The following SYNE2 variants were observed in gnomAD, a reference collection of about 807,000 sequenced individuals.
SYNE2 encodes spectrin repeat containing nuclear envelope protein 2.
In SYNE2, 431 loss-of-function variants were observed where a neutral mutation model predicts 856.3. The observed-to-expected ratio is 0.50, with a 90% CI of 0.47 to 0.55. The LOEUF (loss-of-function observed/expected upper bound fraction) is 0.55, where lower values mean the gene tolerates loss of function less well. SYNE2 is among the 20% of genes least tolerant of loss of function. The pLI is 0.00. For synonymous variants in SYNE2, 2,923 were observed against 2,872.3 expected, an observed-to-expected ratio of 1.02 and a Z score of -0.56; for missense variants, 8,129 against 8,023.2, an observed-to-expected ratio of 1.01 and a Z score of -0.50.
intron 1 of SYNE2, among the ~76,000 whole-genome samples, chr14:63,771,359 C>G (rs935837568): frequency 2.6e-5 from 4 of 151,924 alleles, no homozygotes; most frequent in African/African-American, 9.7e-5. Flanking sequence ...CGTGAGCCAC[C>G]GCGCCCGGCC....
intron 1 of SYNE2, among the ~76,000 whole-genome samples, chr14:63,867,180 A>AAACAG (rs1895582829): frequency 6.6e-6 from 1 of 152,300 alleles, no homozygotes; most frequent in Middle Eastern, 3.4e-3. Flanking sequence ...CCATGTCCTT[A>AAACAG]AACAGTACCA....
chr14:64,132,557 C>A, intron 77 of SYNE2, 119 bp downstream of exon 77: 2 of 1,350,426 alleles, frequency 1.5e-6, no homozygotes, highest in South Asian at 1.2e-5. Context: ...GGAAGCCTGA[C>A]AGTGAGGAAT....
chr14:63,779,607 C>T (rs1454054077), intron 1 of SYNE2, among the ~76,000 whole-genome samples: 1 of 151,852 alleles, frequency 6.6e-6, no homozygotes, highest in Non-Finnish European at 1.5e-5. Flanking sequence ...TTAGCGAATG[C>T]AAATAAATAA....
intron 64 of SYNE2, among the ~76,000 whole-genome samples, chr14:64,102,959 A>G (rs1486923525): frequency 6.6e-6 from 1 of 152,168 alleles, no homozygotes; most frequent in African/African-American, 2.4e-5. Flanking sequence ...CGGTTCATCC[A>G]TATTGTCACA....
Position 64,209,952 on chromosome 14 carries a change from G to A in SYNE2, c.18551G>A (p.Arg6184Gln), listed in dbSNP as rs1420876581. ...TCCCATGTGATGCAGGCCTTTCAGCGGCAGATTCATGAGCGGCTCACTCAG... is the reference window on the plus strand; with the variant it reads ...TCCCATGTGATGCAGGCCTTTCAGCAGCAGATTCATGAGCGGCTCACTCAG... ...EELKRFEAFQ[R>Q]QIHERLTQLE... Residue 6184 changes from arginine to glutamine, a missense_variant, in exon 103 of 116, where the codon CGG becomes CAG. Arg to Gln is a conservative substitution (Grantham distance 43). This residue lies in a region of SYNE2 where 5,410 missense variants were observed against 5,284.8 expected (regional missense o/e 1.02). Coordinates refer to ENST00000555002, the MANE Select transcript of SYNE2 (RefSeq NM_182914.3). 8.7e-6 allele frequency: 14 copies of A among 1,614,122 alleles called. No individual in the cohort carries two copies. Among genetic ancestry groups the A allele is most frequent in the Admixed American group, 3.3e-5 (2 of 60,022 alleles).
intron 49 of SYNE2, among the ~76,000 whole-genome samples, chr14:64,057,785 A>ATTGCCTGTCTTTTGGCTAAAAGCCAT (rs1289997850): frequency 2.0e-5 from 3 of 152,170 alleles, no homozygotes; most frequent in African/African-American, 7.2e-5. Context: ...AGCATTTATT[A>ATTGCCTGTCTTTTGGCTAAAAGCCAT]TTGCCTGTCT....
chr14:64,146,655 A>G (rs1005311603), intron 84 of SYNE2, among the ~76,000 whole-genome samples: 2 of 152,244 alleles, frequency 1.3e-5, no homozygotes, highest in African/African-American at 2.4e-5. Context: ...TGCTTTAAAA[A>G]GTTCACTTGT....
At chr14:64,217,272 A>C (rs977061475) in intron 108 of SYNE2, among the ~76,000 whole-genome samples, 5 of 147,622 alleles carry the variant, frequency 3.4e-5, no homozygotes, top group African/African-American at 1.3e-4. Flanking sequence ...CGTGATTATT[A>C]TTCCTGTATT....
At chr14:63,837,918 CAAA>C (rs34952817) in intron 1 of SYNE2, among the ~76,000 whole-genome samples, 2 of 62,194 alleles carry the variant, frequency 3.2e-5, no homozygotes, top group Admixed American at 2.4e-4. Context: ...GACTCTGTTT[CAAA>C]AAAAAAAAAA....
intron 84 of SYNE2, among the ~76,000 whole-genome samples, chr14:64,147,719 A>G (rs1322508771): frequency 6.6e-6 from 1 of 152,208 alleles, no homozygotes; most frequent in African/African-American, 2.4e-5. Context: ...TCTTTAGCAC[A>G]CCAACCACCG....
In SYNE2 at chr14:64,126,310, T is replaced by C; in HGVS notation, c.13555-17T>C. ...AAGGTATCTTAATTTTCTTTTTCTTTTTTCCTCTTGATTCAGGAAAATATG... is the reference window on the plus strand; with the variant it reads ...AAGGTATCTTAATTTTCTTTTTCTTCTTTCCTCTTGATTCAGGAAAATATG... On this transcript the variant is annotated splice_polypyrimidine_tract_variant and intron_variant, in intron 71 of 115. Coordinates refer to ENST00000555002, the MANE Select transcript of SYNE2 (RefSeq NM_182914.3). 6.2e-7 allele frequency: 1 copy of C among 1,611,560 alleles called. No homozygotes were observed. Among genetic ancestry groups the C allele is most frequent in the Non-Finnish European group, 8.5e-7 (1 of 1,177,780 alleles).
chr14:64,211,852 C>A (rs2098642991), intron 103 of SYNE2, 109 bp from the exon 104 acceptor site: 3 of 1,519,280 alleles, frequency 2.0e-6, no homozygotes, highest in Middle Eastern at 1.8e-4. Flanking sequence ...GCAGATTTCT[C>A]CCTGAGTATT....
At chr14:64,024,739 C>T (rs74056279) in intron 39 of SYNE2, among the ~76,000 whole-genome samples, 173 bp from the exon 40 acceptor site, 1 of 152,082 alleles carries the variant, frequency 6.6e-6, no homozygotes, top group African/African-American at 2.4e-5. Flanking sequence ...TATAGAACCC[C>T]GCTATCATAC....
Position 64,158,650 on chromosome 14 carries a change from A to G in SYNE2, c.15818A>G (p.Gln5273Arg), listed in dbSNP as rs757485374. ...TQVNQLKTSM[Q>R]SVLQEWKIYD... ...GTCAATCAGCTCAAAACCTCCATGC[A>G]GTCAGTTTTACAGGAGTGGAAGATT... Residue 5273 changes from glutamine (Q) to arginine (R), a missense_variant, in exon 86 of 116, where the codon CAG becomes CGG. Coordinates refer to ENST00000555002, the MANE Select transcript of SYNE2 (RefSeq NM_182914.3). 6.2e-6 allele frequency: 10 copies of G among 1,613,874 alleles called. No individual in the cohort carries two copies. The highest frequency in any genetic ancestry group is 6.8e-6 in the Non-Finnish European group (8 of 1,179,908).
At position 64,056,089 on chromosome 14, in the gene SYNE2, T is replaced by G; in HGVS notation, c.9890T>G (p.Leu3297Arg). The G allele has an allele frequency of 6.2e-7, 1 of 1,614,152 alleles. No homozygotes were observed. The highest frequency in any genetic ancestry group is 8.5e-7 in the Non-Finnish European group (1 of 1,180,012). ...CCAGAAGAATCTTTAGAGATGCCTCTTCGAAAACAAGAGGAATTGGAATCC... is the reference window on the plus strand; with the variant it reads ...CCAGAAGAATCTTTAGAGATGCCTCGTCGAAAACAAGAGGAATTGGAATCC... Reference protein sequence around the residue: ...GNPEESLEMPLRKQEELESTV... With the variant: ...GNPEESLEMPRRKQEELESTV... The change falls in exon 49 of 116, where the codon CTT (leucine) becomes CGT (arginine). Residue 3297 changes from leucine (L) to arginine (R), a missense_variant. Leu to Arg is a moderately radical substitution (Grantham distance 102). Coordinates refer to ENST00000555002, the MANE Select transcript of SYNE2 (RefSeq NM_182914.3).
At chr14:64,097,852 G>T in intron 61 of SYNE2, 97 bp from the exon 62 acceptor site, 1 of 1,257,512 alleles carries the variant, frequency 8.0e-7, no homozygotes, top group South Asian at 1.2e-5. Context: ...AAATAGCAAA[G>T]AAAAATCTTC....
At chr14:64,186,665 T>A in intron 97 of SYNE2, 86 bp downstream of exon 97, 3 of 1,585,356 alleles carry the variant, frequency 1.9e-6, no homozygotes, top group Non-Finnish European at 2.6e-6. Flanking sequence ...GGAGCTTAAT[T>A]TCATTGAACC....
rs76121770 is a variant in SYNE2, at chr14:63,983,361, G to A, written c.2002-376G>A. ...GTTCTTGAATCTTTCTTGAGTATATGCCTGAGAGATCTTTTAATTCTTGAA... is the reference window on the plus strand; with the variant it reads ...GTTCTTGAATCTTTCTTGAGTATATACCTGAGAGATCTTTTAATTCTTGAA... On this transcript the variant is annotated intron_variant, in intron 17 of 115. Coordinates refer to ENST00000555002, the MANE Select transcript of SYNE2 (RefSeq NM_182914.3). 8.5e-5 allele frequency among the ~76,000 whole-genome samples: 13 copies of A among 152,212 alleles called. No individual in the cohort carries two copies. In the East Asian group the frequency reaches 2.3e-3, roughly 27 times the overall value.
chr14:64,133,017 AC>A (rs1401251590), intron 77 of SYNE2, among the ~76,000 whole-genome samples: 1 of 151,364 alleles, frequency 6.6e-6, no homozygotes, highest in Non-Finnish European at 1.5e-5. Context: ...CCTGGCTAAC[AC>A]AGTGAAACCC....
Sources: gnomAD v4.1 joint callset for allele counts (sites outside exome capture counted in the v4.1 genomes callset) on GRCh38, gnomAD v4.1.1 for gene constraint, gnomAD v4.1.1 regional missense constraint, MANE v1.5 for transcripts, NCBI Gene and HGNC (gene_info 2026-07-23, HGNC 2026-07-21) for gene names.